The following PAPPA2 variants were observed in gnomAD, a reference collection of about 807,000 sequenced individuals.
The protein encoded by PAPPA2 is pappalysin 2.
A neutral mutation model predicts 176.4 loss-of-function variants in PAPPA2; 86 were observed. That is an observed-to-expected ratio of 0.49 (90% CI 0.41 to 0.58). The LOEUF is 0.58. Among genes scored for constraint, PAPPA2 ranks in the 20% least tolerant of loss-of-function variants. PAPPA2 has a pLI of 0.00. For synonymous variants in PAPPA2, 809 were observed against 852.2 expected (o/e 0.95, Z 0.88); for missense variants, 2,073 against 2,256.9 (o/e 0.92, Z 1.65).
At chr1:176,808,098 C>CT (rs1490597942) in intron 21 of PAPPA2, among the ~76,000 whole-genome samples, 1 of 151,958 alleles carries the variant, frequency 6.6e-6, no homozygotes, top group African/African-American at 2.4e-5. Flanking sequence ...CTGGTCACAC[C>CT]TTGTCTTTAA....
intron 21 of PAPPA2, among the ~76,000 whole-genome samples, chr1:176,835,713 T>G (rs1667246556): frequency 6.6e-6 from 1 of 152,184 alleles, no homozygotes; most frequent in Admixed American, 6.5e-5. Context: ...GAGAGGGATT[T>G]CTCCATGTTT....
intron 3 of PAPPA2, among the ~76,000 whole-genome samples, chr1:176,603,564 C>T (rs16850007): frequency 0.023 from 3,545 of 152,252 alleles, 97 homozygotes; most frequent in African/African-American, 0.065. Flanking sequence ...TTACCCAGAG[C>T]GCTGTCCAAT....
intron 11 of PAPPA2, 91 bp from the exon 12 acceptor site, chr1:176,711,744 A>T: frequency 7.1e-7 from 1 of 1,404,008 alleles, no homozygotes; most frequent in Non-Finnish European, 9.8e-7. Context: ...AGAAAGAGAG[A>T]ACAACTTTGC....
chr1:176,718,515 C>T (rs1411434059), intron 12 of PAPPA2, among the ~76,000 whole-genome samples: 1 of 151,924 alleles, frequency 6.6e-6, no homozygotes, highest in Non-Finnish European at 1.5e-5. Flanking sequence ...AAATTTTATA[C>T]ATTAAGGCCA....
intron 21 of PAPPA2, among the ~76,000 whole-genome samples, chr1:176,801,752 T>C (rs188695048): frequency 6.6e-6 from 1 of 152,222 alleles, no homozygotes; most frequent in East Asian, 1.9e-4. Context: ...GCTGCTTCTA[T>C]GCATGATCTC....
At chr1:176,528,414 C>T (rs902161472) in intron 1 of PAPPA2, among the ~76,000 whole-genome samples, 1 of 152,160 alleles carries the variant, frequency 6.6e-6, no homozygotes, top group Non-Finnish European at 1.5e-5. Context: ...GTTTCTTATA[C>T]CTAAGGAGGT....
intron 12 of PAPPA2, among the ~76,000 whole-genome samples, chr1:176,735,624 C>G (rs527379743): frequency 6.6e-6 from 1 of 152,014 alleles, no homozygotes; most frequent in Admixed American, 6.6e-5. Context: ...TAACATGCAG[C>G]CTTTGGATGA....
intron 1 of PAPPA2, among the ~76,000 whole-genome samples, chr1:176,548,311 G>A (rs1187358417): frequency 6.6e-6 from 1 of 151,954 alleles, no homozygotes; most frequent in African/African-American, 2.4e-5. Flanking sequence ...TTGGATCTGG[G>A]GGAGCAAGGG....
intron 20 of PAPPA2, among the ~76,000 whole-genome samples, chr1:176,799,552 G>C (rs893617345): frequency 6.6e-6 from 1 of 152,152 alleles, no homozygotes; most frequent in Non-Finnish European, 1.5e-5. Context: ...TTCACCTCCA[G>C]TCCTGGTGTG....
chr1:176,560,373 C>T (rs1044601306), intron 2 of PAPPA2, among the ~76,000 whole-genome samples: 4 of 152,202 alleles, frequency 2.6e-5, no homozygotes, highest in East Asian at 1.9e-4. Flanking sequence ...GAGGACAACA[C>T]GGAGCTCACA....
intron 17 of PAPPA2, among the ~76,000 whole-genome samples, chr1:176,779,376 T>A: frequency 6.6e-6 from 1 of 151,902 alleles, no homozygotes; most frequent in Non-Finnish European, 1.5e-5. Context: ...CAGGCCAAAC[T>A]GATTCATAAA....
chr1:176,508,128 T>C (rs1475638352), intron 1 of PAPPA2, among the ~76,000 whole-genome samples: 3 of 152,194 alleles, frequency 2.0e-5, no homozygotes, highest in Non-Finnish European at 2.9e-5. Flanking sequence ...ATCAAGCTGA[T>C]CTTCCAGTAA....
At chr1:176,490,188 C>G (rs1385641995) in intron 1 of PAPPA2, among the ~76,000 whole-genome samples, 1 of 151,148 alleles carries the variant, frequency 6.6e-6, no homozygotes, top group Non-Finnish European at 1.5e-5. Flanking sequence ...TAATGATAAG[C>G]CTTTCTTCCA....
At chr1:176,650,610 C>T (rs1657663636) in intron 3 of PAPPA2, among the ~76,000 whole-genome samples, 1 of 151,552 alleles carries the variant, frequency 6.6e-6, no homozygotes, top group East Asian at 1.9e-4. Context: ...ATCATGTGTC[C>T]AACTGTTCTC....
At chr1:176,499,613 A>G (rs1343282611) in intron 1 of PAPPA2, among the ~76,000 whole-genome samples, 2 of 152,148 alleles carry the variant, frequency 1.3e-5, no homozygotes, top group African/African-American at 4.8e-5. Flanking sequence ...TCTGGCTTCC[A>G]GCTGGGGAGG....
chr1:176,745,414 G>A lies in PAPPA2; in HGVS notation c.4151+5218G>A, dbSNP rs116296595. 2.8e-3 allele frequency among the ~76,000 whole-genome samples: 430 copies of A among 152,228 alleles called. 3 individuals carry two copies. The highest frequency in any genetic ancestry group is 9.9e-3 in the African/African-American group (412 of 41,526). ...TGCTGCTGGATGCCGTGGATTACTAGCATCCCATATCCCAATGATTGTACT... is the reference window on the plus strand; with the variant it reads ...TGCTGCTGGATGCCGTGGATTACTAACATCCCATATCCCAATGATTGTACT... On this transcript the variant is annotated intron_variant, in intron 14 of 22. Transcript: ENST00000367662.
chr1:176,768,556 A>T (rs1404114948), intron 15 of PAPPA2, among the ~76,000 whole-genome samples: 2 of 151,876 alleles, frequency 1.3e-5, no homozygotes, highest in Non-Finnish European at 2.9e-5. Flanking sequence ...TTCCTTCTTT[A>T]CTTTCTTTTC....
rs1273122997 is a variant in PAPPA2, at chr1:176,828,514, C to T, written c.5203-11659C>T. On this transcript the variant is annotated intron_variant, in intron 21 of 22. Transcript: ENST00000367662. The stretch of plus-strand genomic sequence containing the variant: ...AGATTATATATTATTAATTATTATA[C>T]ACATAGTATAATACATATGAGAAAG... 2.0e-5 allele frequency among the ~76,000 whole-genome samples: 3 copies of T among 150,852 alleles called. No individual in the cohort carries two copies. The South Asian group carries it at 6.3e-4, about 32-fold the overall frequency.
rs762510082 is a variant in PAPPA2 at position 176,498,751 on chromosome 1, C to CACAAAAAAAAAAAAAAAAAAAAAA, written c.-917+35334_-917+35335insCAAAAAAAAAAAAAAAAAAAAAAA. Among the ~76,000 whole-genome samples the CACAAAAAAAAAAAAAAAAAAAAAA allele has an allele frequency of 5.5e-4, 62 of 112,094 alleles. 2 individuals carry two copies. Among genetic ancestry groups the CACAAAAAAAAAAAAAAAAAAAAAA allele is most frequent in the African/African-American group, 8.9e-4 (27 of 30,220 alleles). 73.5% of individuals were successfully genotyped at this position (112,094 alleles called of 152,430 possible). ...GGCGACAGAGCGAGACTCTTACCTC[C>CACAAAAAAAAAAAAAAAAAAAAAA]AAAAAAAAAAAAAAAGAAGAAGAAA... On this transcript the variant is annotated intron_variant, in intron 1 of 22. Transcript: ENST00000367662.
Sources: allele counts gnomAD v4.1 joint callset (sites outside exome capture counted in the v4.1 genomes callset), GRCh38; gene constraint gnomAD v4.1.1; transcripts MANE v1.5; gene names NCBI Gene and HGNC (gene_info 2026-07-23, HGNC 2026-07-21).